NKAP: variants seen among roughly 807,000 people sequenced by gnomAD.
NKAP encodes the protein NF-kappa-B-activating protein.
A neutral mutation model predicts 35.6 loss-of-function variants in NKAP; 4 were observed. The observed-to-expected ratio is 0.11, with a 90% CI of 0.06 to 0.26. The LOEUF (loss-of-function observed/expected upper bound fraction) is 0.26. Ranked by LOEUF, NKAP falls within the 10% of genes least tolerant of loss-of-function variation. NKAP has a pLI of 1.00. For missense variants in NKAP, 238 were observed against 321.9 expected, an observed-to-expected ratio of 0.74 and a Z score of 1.99; for synonymous variants, 106 against 119.2, an observed-to-expected ratio of 0.89 and a Z score of 0.72.
rs1226775929 is a variant in NKAP, at chrX:119,936,374, T to A, written c.596A>T (p.Lys199Ile). The change falls in exon 4 of 9, where the codon AAA (lysine) becomes ATA (isoleucine). Residue 199 changes from lysine to isoleucine, a missense_variant. Transcript: ENST00000371410. ...SKERSKKRRK[K>I]KSSKRKHKKY... The stretch of plus-strand genomic sequence containing the variant: ...CTTATGTTTTCTTTTCGATGATTTT[T>A]TCTTTCTCCTTTTCTTGGACCTTTC... 8.4e-7 allele frequency: 1 copy of A among 1,192,636 alleles called. No individual in the cohort carries two copies. The highest frequency in any genetic ancestry group is 2.3e-5 in the Admixed American group (1 of 43,248).
intron 8 of NKAP, among the ~76,000 whole-genome samples, chrX:119,927,559 G>T (rs1239174054): frequency 1.8e-5 from 2 of 111,216 alleles, no homozygotes; most frequent in African/African-American, 3.3e-5. Flanking sequence ...TGGCCAGGCT[G>T]GTCTTGAACT....
chrX:119,943,044 G>A (rs2056800952), intron 1 of NKAP, 176 bp downstream of exon 1: 2 of 596,858 alleles, frequency 3.4e-6, no homozygotes, highest in Non-Finnish European at 5.1e-6. Flanking sequence ...TGAGGGTAAG[G>A]GAAAATGAAA....
At chrX:119,929,918 G>A in intron 8 of NKAP, 98 bp downstream of exon 8, 2 of 868,538 alleles carry the variant, frequency 2.3e-6, no homozygotes, top group East Asian at 3.3e-5. Flanking sequence ...ATAAGAAACA[G>A]TCACTTAATG....
chrX:119,930,838 A>G (rs1420972238), intron 7 of NKAP, among the ~76,000 whole-genome samples: 1 of 83,289 alleles, frequency 1.2e-5, no homozygotes, highest in Non-Finnish European at 2.4e-5. Flanking sequence ...ACAAAACAAA[A>G]CAAAAAAAAA....
chrX:119,941,350 A>G (rs2056792277), intron 1 of NKAP, among the ~76,000 whole-genome samples: 1 of 111,198 alleles, frequency 9.0e-6, no homozygotes, highest in Non-Finnish European at 1.9e-5. Context: ...TTTTGCTCCC[A>G]TGCATGAAAC....
rs767396685 is a variant in NKAP at position 119,925,265 on chromosome X, A to G, written c.1203T>C (p.Phe401=). The part of the protein sequence containing the change: ...RKRENKILAS[F]REMVYRKTKG... ...TGGTCTTTCTGTAAACCATTTCTCG[A>G]AAACTGGCCAGAATCTTGTTCTCTC... is the stretch of plus-strand genomic sequence containing the variant. Residue 401 remains phenylalanine, a synonymous_variant, in exon 9 of 9, where the codon TTT becomes TTC. Coordinates refer to ENST00000371410, the MANE Select transcript of NKAP (RefSeq NM_024528.4). 2.5e-6 allele frequency: 3 copies of G among 1,210,817 alleles called. No homozygotes were observed. In the South Asian group the frequency reaches 5.3e-5, roughly 21 times the overall value.
chrX:119,930,573 CTT>C (rs1380278678), intron 7 of NKAP, among the ~76,000 whole-genome samples: 1 of 111,856 alleles, frequency 8.9e-6, no homozygotes, highest in Non-Finnish European at 1.9e-5. Flanking sequence ...AATCTGAACA[CTT>C]TGGGAGGCTG....
At chrX:119,943,007 G>C in intron 1 of NKAP, 3 of 416,848 alleles carry the variant, frequency 7.2e-6, no homozygotes, top group Non-Finnish European at 8.0e-6. Flanking sequence ...GGGGTAGCGG[G>C]AGACCAGGGC....
chrX:119,933,469 C>T (rs1041360817), intron 5 of NKAP, among the ~76,000 whole-genome samples: 1 of 111,761 alleles, frequency 8.9e-6, no homozygotes, highest in African/African-American at 3.3e-5. Flanking sequence ...CTTGCCCCAA[C>T]TCAAATCTGA....
At chrX:119,936,049 T>C (rs141800189) in intron 4 of NKAP, among the ~76,000 whole-genome samples, 2,190 of 111,653 alleles carry the variant, frequency 0.02, 12 homozygotes, top group Middle Eastern at 0.046. Flanking sequence ...TGTGTGACCT[T>C]AGGGATAGTA....
chrX:119,921,182 G>A lies in NKAP; in HGVS notation c.*4038C>T, dbSNP rs1241919148. 1 of 111,444 alleles carries A rather than the reference G, an allele frequency of 9.0e-6. No homozygotes were observed. Among genetic ancestry groups the A allele is most frequent in the Non-Finnish European group, 1.9e-5 (1 of 53,103 alleles). The allele number at this position is 111,444 out of a possible 1,213,427, so 9.2% of individuals were successfully genotyped here. On this transcript the variant is annotated 3_prime_UTR_variant, in exon 9 of 9. Coordinates refer to ENST00000371410, the MANE Select transcript of NKAP (RefSeq NM_024528.4). ...CAGGAGGGTGGCTTGGGGACTAGGG[G>A]CAATGACACGGGAAGGATACAATCA...
At chrX:119,928,267 T>C (rs908063732) in intron 8 of NKAP, among the ~76,000 whole-genome samples, 1 of 112,498 alleles carries the variant, frequency 8.9e-6, no homozygotes, top group Non-Finnish European at 1.9e-5. Context: ...GGAACTGTAT[T>C]GAATACACAA....
Position 119,943,741 on chromosome X carries a change from G to T in NKAP, c.-136C>A. On this transcript the variant is annotated 5_prime_UTR_variant, in exon 1 of 9. Transcript: ENST00000371410. ...TGAGGAAACCTTGGACACAGTTCTG[G>T]GTACTTCTGCAAAACCCTTCCCCGG... The T allele has an allele frequency of 1.4e-6, 1 of 734,928 alleles. No homozygotes were observed. Among genetic ancestry groups the T allele is most frequent in the Non-Finnish European group, 1.9e-6 (1 of 532,819 alleles). 60.6% of individuals were successfully genotyped at this position (734,928 alleles called of 1,213,427 possible).
At chrX:119,932,535 C>T (rs181262655) in intron 5 of NKAP, 37 of 149,341 alleles carry the variant, frequency 2.5e-4, no homozygotes, top group African/African-American at 1.1e-3. Flanking sequence ...GGGAGGATCA[C>T]TTGAGCCCAG....
chrX:119,932,309 G>A (rs2056745609), intron 5 of NKAP, 93 bp from the exon 6 acceptor site: 1 of 557,036 alleles, frequency 1.8e-6, no homozygotes, highest in East Asian at 3.4e-5. Flanking sequence ...TTGAACTGGT[G>A]ACTATACATC....
In NKAP at chrX:119,930,207, T is replaced by A. The variant is rs1447325101; in HGVS notation, c.924-42A>T. The A allele has an allele frequency of 2.7e-6, 3 of 1,129,028 alleles. No homozygotes were observed. In the African/African-American group the frequency reaches 5.5e-5, roughly 21 times the overall value. The allele number at this position is 1,129,028 out of a possible 1,213,427, so 93.0% of individuals were successfully genotyped here. The stretch of plus-strand genomic sequence containing the variant: ...AATTCAGAAAAGGTCCATTAAATCA[T>A]CTTAATATTAAAAGCTTATAATCTA... On this transcript the variant is annotated intron_variant, in intron 7 of 8. Transcript: ENST00000371410.
intron 2 of NKAP, chrX:119,937,607 CAAAAAAAAAA>C (rs34687968): frequency 1.9e-5 from 1 of 51,305 alleles, no homozygotes. Context: ...GACTCTGTCT[CAAAAAAAAAA>C]AAAAAAAAAA....
chrX:119,927,979 CTCT>C (rs762638172), intron 8 of NKAP, among the ~76,000 whole-genome samples: 20 of 112,208 alleles, frequency 1.8e-4, no homozygotes, highest in Non-Finnish European at 3.4e-4. Context: ...TACCTTCTTG[CTCT>C]TCTTCTTCAG....
intron 2 of NKAP, chrX:119,936,900 G>C (rs1397085434): frequency 3.1e-6 from 1 of 325,118 alleles, no homozygotes; most frequent in Non-Finnish European, 5.2e-6. Context: ...TGCAGTTCAA[G>C]GGTCTACCAT....
Sources: allele counts gnomAD v4.1 joint callset (sites outside exome capture counted in the v4.1 genomes callset), GRCh38; gene constraint gnomAD v4.1.1; transcripts MANE v1.5; gene names NCBI Gene and HGNC (gene_info 2026-07-23, HGNC 2026-07-21).